IGSF9B: variants seen among roughly 807,000 people sequenced by gnomAD.
The protein encoded by IGSF9B is immunoglobulin superfamily member 9B.
IGSF9B carries 48 observed loss-of-function variants against 143.7 expected under a neutral mutation model. The ratio of observed to expected loss-of-function variants is 0.33; its 90% CI spans 0.26 to 0.42. The LOEUF (loss-of-function observed/expected upper bound fraction) is 0.42, where lower values mean the gene tolerates loss of function less well. Among genes scored for constraint, IGSF9B ranks in the 20% least tolerant of loss-of-function variants. IGSF9B has a pLI of 1.00. For missense variants in IGSF9B, 1,706 were observed against 1,980.0 expected (o/e 0.86, Z 2.63); for synonymous variants, 903 against 833.1 (o/e 1.08, Z -1.44).
rs571192850 is a variant in IGSF9B at position 133,911,804 on chromosome 11, C to G, written c.4105+82G>C. 2.2e-6 allele frequency: 3 copies of G among 1,361,832 alleles called. No individual in the cohort carries two copies. In the South Asian group the frequency reaches 5.1e-5, roughly 23 times the overall value. The allele number at this position is 1,361,832 out of a possible 1,614,324, so 84.4% of individuals were successfully genotyped here. A position where few individuals can be genotyped will look rare whatever the true frequency, so the allele number is the denominator to read the frequency against. ...TGGGGCCCTGAGCCCAATAACCCTC[C>G]TGACAACGGCAGCCCAATAACCCTC... On this transcript the variant is annotated intron_variant, in intron 19 of 19. Coordinates refer to ENST00000533871, the MANE Select transcript of IGSF9B (RefSeq NM_001277285.4).
At chr11:133,952,933 G>C (rs1200459091) in intron 1 of IGSF9B, among the ~76,000 whole-genome samples, 1 of 152,110 alleles carries the variant, frequency 6.6e-6, no homozygotes, top group Non-Finnish European at 1.5e-5. Context: ...CGCTCCCTAA[G>C]TACTCTGCAC....
chr11:133,955,777 C>T (rs936030637), intron 1 of IGSF9B, among the ~76,000 whole-genome samples: 10 of 152,196 alleles, frequency 6.6e-5, no homozygotes, highest in South Asian at 2.1e-4. Flanking sequence ...CGCTCACGCA[C>T]GCATCACCCA....
chr11:133,940,278 GAA>G (rs1939916876), intron 3 of IGSF9B, among the ~76,000 whole-genome samples: 2 of 42,550 alleles, frequency 4.7e-5, no homozygotes, highest in Admixed American at 3.1e-4. Context: ...ATCGCACGCA[GAA>G]ACACACCTCG....
chr11:133,946,044 G>A lies in IGSF9B; in HGVS notation c.262+17C>T, dbSNP rs747706488. The A allele has an allele frequency of 9.9e-6, 15 of 1,518,418 alleles. No homozygotes were observed. The highest frequency in any genetic ancestry group is 4.8e-5 in the East Asian group (2 of 41,380). 94.1% of individuals were successfully genotyped at this position (1,518,418 alleles called of 1,614,324 possible). ...CCAGCTGGGGAAGGTGCGGGAGACC[G>A]GGTGCCCAGACCTTACCTGCATACT... On this transcript the variant is annotated intron_variant, in intron 2 of 19. Coordinates refer to ENST00000533871, the MANE Select transcript of IGSF9B (RefSeq NM_001277285.4).
In IGSF9B at chr11:133,899,069, T is replaced by C. The variant is rs1194121040; in HGVS notation, c.*10000A>G. 3 of 152,246 alleles carry C rather than the reference T, an allele frequency of 2.0e-5. No homozygotes were observed. Among genetic ancestry groups the C allele is most frequent in the Admixed American group, 1.3e-4 (2 of 15,286 alleles). The allele number at this position is 152,246 out of a possible 1,614,324, so 9.4% of individuals were successfully genotyped here. ...CTCCCTATTCCCGACTCTTGCTCTA[T>C]ATAGTAGACAGAGGTAGCAAGACAG... On this transcript the variant is annotated 3_prime_UTR_variant, in exon 20 of 20. Coordinates refer to ENST00000533871, the MANE Select transcript of IGSF9B (RefSeq NM_001277285.4).
rs546771674 is a variant in IGSF9B at position 133,920,043 on chromosome 11, G to C, written c.3682C>G (p.Leu1228Val). ...LAARARPRPG[L>V]LQQAEMSEIT... The stretch of plus-strand genomic sequence containing the variant: ...TCTGACATCTCTGCCTGCTGCAGGA[G>C]GCCCGGGCGAGGCCGGGCACGGGCG... Residue 1228 changes from leucine (L) to valine (V), a missense_variant, in exon 18 of 20, where the codon CTC (leucine) becomes GTC (valine). Physicochemically the swap from Leu to Val is conservative, Grantham distance 32. Around this residue, in one of 7 missense-constraint regions of IGSF9B, gnomAD observed 880 missense variants for 762.9 expected, o/e 1.15. Transcript: ENST00000533871. The C allele has an allele frequency of 8.9e-6, 14 of 1,567,760 alleles. No individual in the cohort carries two copies. The highest frequency in any genetic ancestry group is 2.4e-5 in the South Asian group (2 of 85,038).
Position 133,953,830 on chromosome 11 carries a change from A to G in IGSF9B, c.64+2861T>C, listed in dbSNP as rs1484883486. 6.6e-6 allele frequency among the ~76,000 whole-genome samples: 1 copy of G among 152,072 alleles called. No individual in the cohort carries two copies. Among genetic ancestry groups the G allele is most frequent in the East Asian group, 1.9e-4 (1 of 5,166 alleles). On this transcript the variant is annotated intron_variant, in intron 1 of 19. Transcript: ENST00000533871. The surrounding 1 kb of genome is among the most constrained non-coding windows in gnomAD (Gnocchi z 4.2). ...CGTCTGAGATACTGAGTGCACACCA[A>G]TCACTGTCTTCCAGGTTCTGGGTAC... is the stretch of plus-strand genomic sequence containing the variant.
rs911110088 is a variant in IGSF9B, at chr11:133,906,730, T to TA, written c.*2338dup. 6.6e-6 allele frequency among the ~76,000 whole-genome samples: 1 copy of TA among 152,162 alleles called. No homozygotes were observed. The highest frequency in any genetic ancestry group is 1.5e-5 in the Non-Finnish European group (1 of 68,030). ...ATTCCCAGGAGGGTGCTCAGAAAAG[T>TA]AGGCCAAATTCATCCTGAAGGCTGA... On this transcript the variant is annotated 3_prime_UTR_variant, in exon 20 of 20. Transcript: ENST00000533871.
chr11:133,902,568 CCA>C lies in IGSF9B; in HGVS notation c.*6499_*6500del, dbSNP rs147664648. Among the ~76,000 whole-genome samples, 73,065 of 144,816 alleles carry C rather than the reference CCA, an allele frequency of 0.5. 18,638 individuals carry two copies. The highest frequency in any genetic ancestry group is 0.66 in the East Asian group (3,195 of 4,826). On this transcript the variant is annotated 3_prime_UTR_variant, in exon 20 of 20. Transcript: ENST00000533871. Reference sequence around the variant, plus strand: ...CACACACCACATACACACACACACCCCACACACACACACACACACCCCACTTA... The same window carrying C: ...CACACACCACATACACACACACACCCCACACACACACACACACCCCACTTA...
Position 133,908,187 on chromosome 11 carries a change from C to A in IGSF9B, c.*882G>T, listed in dbSNP as rs1008503040. Among the ~76,000 whole-genome samples, 1 of 152,192 alleles carries A rather than the reference C, an allele frequency of 6.6e-6. No homozygotes were observed. Among genetic ancestry groups the A allele is most frequent in the Non-Finnish European group, 1.5e-5 (1 of 68,030 alleles). On this transcript the variant is annotated 3_prime_UTR_variant, in exon 20 of 20. Coordinates refer to ENST00000533871, the MANE Select transcript of IGSF9B (RefSeq NM_001277285.4). Reference sequence around the variant, plus strand: ...GCACCAGAGGCTTGCTTTAGCCCCGCGGCTGAGTTAGCCTCTACTCCTGCA... The same window carrying A: ...GCACCAGAGGCTTGCTTTAGCCCCGAGGCTGAGTTAGCCTCTACTCCTGCA...
At chr11:133,929,573 T>G (rs1353711733) in intron 12 of IGSF9B, 98 bp downstream of exon 12, 1 of 834,610 alleles carries the variant, frequency 1.2e-6, no homozygotes, top group East Asian at 2.5e-5. Context: ...AACTGCAGCC[T>G]CCTCCTACCT....
chr11:133,916,189 GC>G (rs1425049398), intron 18 of IGSF9B, among the ~76,000 whole-genome samples: 3 of 152,154 alleles, frequency 2.0e-5, no homozygotes, highest in African/African-American at 7.2e-5. Flanking sequence ...AATTGGCTCG[GC>G]CTCCCCACAG....
At position 133,951,366 on chromosome 11, in the gene IGSF9B, C is replaced by G. The variant is rs11223642; in HGVS notation, c.65-5108G>C. 4.6e-5 allele frequency among the ~76,000 whole-genome samples: 7 copies of G among 152,198 alleles called. No homozygotes were observed. In the East Asian group the frequency reaches 1.4e-3, roughly 30 times the overall value. ...GCCCTCACAGCCCTCCCGGCCCCCA[C>G]GCGCCACCAAACCTCTCAGGTTCGG... On this transcript the variant is annotated intron_variant, in intron 1 of 19. Coordinates refer to ENST00000533871, the MANE Select transcript of IGSF9B (RefSeq NM_001277285.4).
At chr11:133,927,751 A>C (rs1612416) in intron 12 of IGSF9B, among the ~76,000 whole-genome samples, 97,546 of 152,020 alleles carry the variant, frequency 0.64, 31,617 homozygotes, top group Middle Eastern at 0.79. Flanking sequence ...GCAAAGCCGG[A>C]GGGCTATGGG....
rs964563597 is a variant in IGSF9B, at chr11:133,901,821, CACACACACAA to C, written c.*7238_*7247del. 1.4e-5 allele frequency among the ~76,000 whole-genome samples: 2 copies of C among 147,562 alleles called. No individual in the cohort carries two copies. Among genetic ancestry groups the C allele is most frequent in the African/African-American group, 5.0e-5 (2 of 40,008 alleles). ...ACCACACACAACAGACACACCACAC[CACACACACAA>C]ACACACACACACCACACACGCACCA... On this transcript the variant is annotated 3_prime_UTR_variant, in exon 20 of 20. Coordinates refer to ENST00000533871, the MANE Select transcript of IGSF9B (RefSeq NM_001277285.4).
chr11:133,934,349 G>A (rs1451555551), intron 7 of IGSF9B, among the ~76,000 whole-genome samples: 1 of 152,200 alleles, frequency 6.6e-6, no homozygotes, highest in African/African-American at 2.4e-5. Context: ...GAGGGACGGG[G>A]CGCACCTTTG....
chr11:133,913,215 C>A lies in IGSF9B; in HGVS notation c.3984-1208G>T, dbSNP rs766064708. 3.3e-5 allele frequency among the ~76,000 whole-genome samples: 5 copies of A among 152,118 alleles called. No homozygotes were observed. Among genetic ancestry groups the A allele is most frequent in the Non-Finnish European group, 7.3e-5 (5 of 68,036 alleles). On this transcript the variant is annotated intron_variant, in intron 18 of 19. Transcript: ENST00000533871. The surrounding 1 kb of genome is among the most constrained non-coding windows in gnomAD (Gnocchi z 4.6). Reference sequence around the variant, plus strand: ...CTTCTCCTGGACCCCCCAACTCCCTCCCCTATCTCCATTGCAAACAGTTTT... The same window carrying A: ...CTTCTCCTGGACCCCCCAACTCCCTACCCTATCTCCATTGCAAACAGTTTT...
Position 133,919,779 on chromosome 11 carries a change from G to C in IGSF9B, c.3946C>G (p.Arg1316Gly), listed in dbSNP as rs1362767009. ...SPRRTGEELL[R>G]PETPPPTLPT... ...AACGTGGGTGGTGGGGTCTCCGGTC[G>C]GAGCAATTCCTCCCCCGTCCTTCGA... The change falls in exon 18 of 20, where the codon CGA (arginine) becomes GGA (glycine). Residue 1316 changes from arginine (R) to glycine (G), a missense_variant. Coordinates refer to ENST00000533871, the MANE Select transcript of IGSF9B (RefSeq NM_001277285.4). 2.7e-6 allele frequency: 4 copies of C among 1,486,882 alleles called. No homozygotes were observed. Among genetic ancestry groups the C allele is most frequent in the Non-Finnish European group, 3.6e-6 (4 of 1,115,786 alleles). The allele number at this position is 1,486,882 out of a possible 1,614,324, so 92.1% of individuals were successfully genotyped here.
At position 133,920,031 on chromosome 11, in the gene IGSF9B, C is replaced by T. The variant is rs770038853; in HGVS notation, c.3694G>A (p.Ala1232Thr). 4 of 1,579,840 alleles carry T rather than the reference C, an allele frequency of 2.5e-6. No individual in the cohort carries two copies. Among genetic ancestry groups the T allele is most frequent in the South Asian group, 2.3e-5 (2 of 87,212 alleles). ...ARPRPGLLQQ[A>T]EMSEITLQPP... ...TGCAGGGTGATCTCTGACATCTCTG[C>T]CTGCTGCAGGAGGCCCGGGCGAGGC... Residue 1232 changes from alanine to threonine, a missense_variant, in exon 18 of 20, where the codon GCA becomes ACA. Coordinates refer to ENST00000533871, the MANE Select transcript of IGSF9B (RefSeq NM_001277285.4).
Sources: gnomAD v4.1 joint callset for allele counts (sites outside exome capture counted in the v4.1 genomes callset) on GRCh38, gnomAD v4.1.1 for gene constraint, gnomAD v4.1.1 regional missense constraint, Gnocchi (gnomAD v3.1) non-coding constraint, MANE v1.5 for transcripts, NCBI Gene and HGNC (gene_info 2026-07-23, HGNC 2026-07-21) for gene names.